KCNK10: variants seen among roughly 807,000 people sequenced by gnomAD.
KCNK10 encodes potassium two pore domain channel subfamily K member 10, also known as potassium channel subfamily K member 10.
Under a neutral mutation model 47.7 loss-of-function variants are expected in KCNK10, and 25 were observed. That is an observed-to-expected ratio of 0.52 (90% CI 0.38 to 0.73). The LOEUF is 0.73. Ranked by LOEUF, KCNK10 falls within the 30% of genes least tolerant of loss-of-function variation. KCNK10 has a pLI of 0.00. For missense variants in KCNK10, 563 were observed against 714.5 expected, an observed-to-expected ratio of 0.79 and a Z score of 2.42; for synonymous variants, 303 against 285.6, an observed-to-expected ratio of 1.06 and a Z score of -0.61.
Position 88,227,405 on chromosome 14 carries a change from T to G in KCNK10, c.651A>C (p.Lys217Asn), listed in dbSNP as rs369276968. Residue 217 changes from lysine to asparagine, a missense_variant, in exon 4 of 7, where the codon AAA (lysine) becomes AAC (asparagine). By Grantham distance (94) the Lys-to-Asn change is moderately conservative. Coordinates refer to ENST00000319231, the MANE Select transcript of KCNK10 (RefSeq NM_138317.3). ...AGACCTTCTCCACTCTTGCAATGCT[T>G]TTCCCAAAGATGGTTCCAAGTTGGT... ...IGDQLGTIFG[K>N]SIARVEKVFR... 9.3e-6 allele frequency: 15 copies of G among 1,612,650 alleles called. No individual in the cohort carries two copies. The highest frequency in any genetic ancestry group is 1.2e-5 in the Non-Finnish European group (14 of 1,179,610).
intron 2 of KCNK10, among the ~76,000 whole-genome samples, chr14:88,249,899 C>G (rs770824536): frequency 6.6e-6 from 1 of 152,066 alleles, no homozygotes; most frequent in Non-Finnish European, 1.5e-5. Context: ...AACATAGCAC[C>G]TGCTTCATTA....
intron 1 of KCNK10, among the ~76,000 whole-genome samples, chr14:88,276,888 C>T (rs913371276): frequency 1.3e-5 from 2 of 152,228 alleles, no homozygotes; most frequent in African/African-American, 4.8e-5. Context: ...AGTGTACCTC[C>T]CTATAAACAA....
intron 1 of KCNK10, among the ~76,000 whole-genome samples, chr14:88,293,094 C>T (rs1887914792): frequency 6.6e-6 from 1 of 152,158 alleles, no homozygotes; most frequent in Non-Finnish European, 1.5e-5. Context: ...GGGTTGGCCT[C>T]ACAGGGCAAG....
rs369157093 is a variant in KCNK10 at position 88,300,300 on chromosome 14, T to A, written c.52+22447A>T. 1.1e-4 allele frequency among the ~76,000 whole-genome samples: 16 copies of A among 152,324 alleles called. No individual in the cohort carries two copies. In the East Asian group the frequency reaches 2.7e-3, roughly 26 times the overall value. ...CTACTTCTTCTACTTCTCATTCTTA[T>A]CCATCTTGTGCCACACGTCCTTCAT... On this transcript the variant is annotated intron_variant, in intron 1 of 6. Coordinates refer to ENST00000319231, the MANE Select transcript of KCNK10 (RefSeq NM_138317.3).
chr14:88,200,186 T>C (rs1010881766), intron 4 of KCNK10, among the ~76,000 whole-genome samples: 2 of 151,920 alleles, frequency 1.3e-5, no homozygotes, highest in Non-Finnish European at 2.9e-5. Context: ...TTTAGACAAA[T>C]ACTTTTAATG....
chr14:88,304,543 A>C (rs1888168937), intron 1 of KCNK10, among the ~76,000 whole-genome samples: 1 of 152,224 alleles, frequency 6.6e-6, no homozygotes, highest in South Asian at 2.1e-4. Flanking sequence ...CCCGATGCAC[A>C]TGTCCTCAGC....
rs1290370641 is a variant in KCNK10 at position 88,186,097 on chromosome 14, C to T, written c.1070G>A (p.Arg357Gln). 6 of 1,610,002 alleles carry T rather than the reference C, an allele frequency of 3.7e-6. No homozygotes were observed. The highest frequency in any genetic ancestry group is 4.2e-6 in the Non-Finnish European group (5 of 1,178,828). ...CACGCTGAGCCTTCGCCGTGTCTCCCGGAACTCAGCCGTGACATTGGCCTT... is the reference window on the plus strand; with the variant it reads ...CACGCTGAGCCTTCGCCGTGTCTCCTGGAACTCAGCCGTGACATTGGCCTT... ...EWKANVTAEFRETRRRLSVEI... is the reference protein window; with the variant it reads ...EWKANVTAEFQETRRRLSVEI... Residue 357 changes from arginine to glutamine, a missense_variant, in exon 7 of 7, where the codon CGG becomes CAG. Arg to Gln is a conservative substitution (Grantham distance 43). Coordinates refer to ENST00000319231, the MANE Select transcript of KCNK10 (RefSeq NM_138317.3). The surrounding 1 kb of genome is among the most constrained non-coding windows in gnomAD (Gnocchi z 5.5).
At chr14:88,320,140 C>T (rs1490157128) in intron 1 of KCNK10, among the ~76,000 whole-genome samples, 2 of 152,190 alleles carry the variant, frequency 1.3e-5, no homozygotes, top group African/African-American at 4.8e-5. Flanking sequence ...TGATGGCAAT[C>T]AAGTGCCAAA....
chr14:88,311,167 C>T (rs1228904226), intron 1 of KCNK10, among the ~76,000 whole-genome samples: 1 of 152,124 alleles, frequency 6.6e-6, no homozygotes, highest in Non-Finnish European at 1.5e-5. Context: ...TACAAGAATA[C>T]ACAGATACCC....
intron 3 of KCNK10, among the ~76,000 whole-genome samples, chr14:88,236,242 A>G (rs1463465171): frequency 6.6e-6 from 1 of 152,100 alleles, no homozygotes; most frequent in Non-Finnish European, 1.5e-5. Flanking sequence ...ACTTGGGCCC[A>G]GGAGTTGGAG....
chr14:88,241,904 TG>T (rs1433218038), intron 2 of KCNK10, among the ~76,000 whole-genome samples: 3 of 152,154 alleles, frequency 2.0e-5, no homozygotes, highest in African/African-American at 7.2e-5. Flanking sequence ...CTTCCTGAGC[TG>T]GCCCCTGCCA....
At position 88,263,448 on chromosome 14, in the gene KCNK10, G is replaced by A. The variant is rs201092977; in HGVS notation, c.156C>T (p.Ser52=). Residue 52 remains serine, a synonymous_variant, in exon 2 of 7, where the codon TCC becomes TCT. Transcript: ENST00000319231. ...CCATCCTGGCTACCACTGTGGCTCG[G>A]GAGGAAATGGACAGGCGCGGAGTTG... ...PTPTPRLSIS[S]RATVVARMEG... 1.1e-4 allele frequency: 177 copies of A among 1,614,168 alleles called. No individual in the cohort carries two copies. Among genetic ancestry groups the A allele is most frequent in the Middle Eastern group, 1.6e-4 (1 of 6,062 alleles).
rs114080547 is a variant in KCNK10 at position 88,290,146 on chromosome 14, A to G, written c.53-26595T>C. On this transcript the variant is annotated intron_variant, in intron 1 of 6. Transcript: ENST00000319231. ...TTGCTGATGTGATTAAGATCTTGAG[A>G]TCAGGAGATGATCCTGGATTATCTG... is the stretch of plus-strand genomic sequence containing the variant. Among the ~76,000 whole-genome samples, 267 of 152,286 alleles carry G rather than the reference A, an allele frequency of 1.8e-3. 1 individual carries two copies. The highest frequency in any genetic ancestry group is 6.1e-3 in the African/African-American group (253 of 41,558).
At chr14:88,273,757 T>G (rs143740291) in intron 1 of KCNK10, among the ~76,000 whole-genome samples, 1 of 152,166 alleles carries the variant, frequency 6.6e-6, no homozygotes, top group Non-Finnish European at 1.5e-5. Flanking sequence ...ACAGCTGGGG[T>G]TCCTTGTGTC....
chr14:88,285,273 G>A (rs956485566), intron 1 of KCNK10, among the ~76,000 whole-genome samples: 4 of 152,052 alleles, frequency 2.6e-5, no homozygotes, highest in Non-Finnish European at 5.9e-5. Flanking sequence ...CACCATGCCT[G>A]GCTAATTTCT....
At chr14:88,267,855 G>T in intron 1 of KCNK10, among the ~76,000 whole-genome samples, 1 of 152,132 alleles carries the variant, frequency 6.6e-6, no homozygotes. Flanking sequence ...GCTGATGGTG[G>T]TGAAGGTGAC....
Position 88,181,450 on chromosome 14 carries a change from G to GAC in KCNK10, c.*4084_*4085insGT. On this transcript the variant is annotated 3_prime_UTR_variant, in exon 7 of 7. Transcript: ENST00000319231. ...TGTGTGTGTGTGTGTGAGAGAGAGA[G>GAC]AGATGTCTGTCTGATCATAGTACTT... 1 of 152,042 alleles carries GAC rather than the reference G, an allele frequency of 6.6e-6. No individual in the cohort carries two copies. The highest frequency in any genetic ancestry group is 2.1e-4 in the South Asian group (1 of 4,814). 9.4% of individuals were successfully genotyped at this position (152,042 alleles called of 1,614,324 possible). A position where few individuals can be genotyped will look rare whatever the true frequency, so the allele number is the denominator to read the frequency against.
At chr14:88,276,148 C>T (rs1887521426) in intron 1 of KCNK10, among the ~76,000 whole-genome samples, 1 of 151,996 alleles carries the variant, frequency 6.6e-6, no homozygotes, top group Admixed American at 6.5e-5. Context: ...CCCCAAAATT[C>T]ACACACTGAA....
At chr14:88,289,691 T>C (rs1329279860) in intron 1 of KCNK10, among the ~76,000 whole-genome samples, 2 of 152,258 alleles carry the variant, frequency 1.3e-5, no homozygotes, top group African/African-American at 4.8e-5. Context: ...TAGAATCAGA[T>C]AGACCTGAGC....
Sources: allele counts gnomAD v4.1 joint callset (sites outside exome capture counted in the v4.1 genomes callset), GRCh38; gene constraint gnomAD v4.1.1; non-coding constraint Gnocchi (gnomAD v3.1); transcripts MANE v1.5; gene names NCBI Gene and HGNC (gene_info 2026-07-23, HGNC 2026-07-21).